SORBS2: variants seen among roughly 807,000 people sequenced by gnomAD.
SORBS2 encodes the protein sorbin and SH3 domain-containing protein 2.
In SORBS2, 46 loss-of-function variants were observed where a neutral mutation model predicts 97.7. The observed-to-expected ratio is 0.47, with a 90% confidence interval of 0.37 to 0.60. The LOEUF (loss-of-function observed/expected upper bound fraction) is 0.60. SORBS2 is among the 20% of genes least tolerant of loss of function. The probability of loss-of-function intolerance (pLI) is 0.00; values close to 1 mark genes in which losing one functional copy is unlikely to be tolerated. For synonymous variants in SORBS2, 476 were observed against 473.4 expected, an observed-to-expected ratio of 1.01 and a Z score of -0.07; for missense variants, 1,316 against 1,282.3, an observed-to-expected ratio of 1.03 and a Z score of -0.40.
At position 185,613,568 on chromosome 4, in the gene SORBS2, A is replaced by T. The variant is rs111988387; in HGVS notation, c.2595+1263T>A. Among the ~76,000 whole-genome samples, 639 of 149,906 alleles carry T rather than the reference A, an allele frequency of 4.3e-3. 4 individuals carry two copies. Among genetic ancestry groups the T allele is most frequent in the African/African-American group, 0.015 (610 of 40,422 alleles). Reference sequence around the variant, plus strand: ...GAGGCTGAGGTGGGAGAATCGCTTGAACCTGGGAGGCAGAGGTTGCAGTGA... The same window carrying T: ...GAGGCTGAGGTGGGAGAATCGCTTGTACCTGGGAGGCAGAGGTTGCAGTGA... On this transcript the variant is annotated intron_variant, in intron 11 of 14. Coordinates refer to ENST00000418609, the Ensembl canonical transcript of SORBS2.
intron 2 of SORBS2, chr4:185,771,703 A>C (rs2098972559): frequency 6.6e-6 from 1 of 152,228 alleles, no homozygotes; most frequent in Admixed American, 6.5e-5. Context: ...TGGCAATTTA[A>C]TTTTATAATA....
chr4:185,754,387 AC>A lies in SORBS2; in HGVS notation c.-198+20839del, dbSNP rs544820593. Among the ~76,000 whole-genome samples the A allele has an allele frequency of 4.7e-3, 715 of 151,992 alleles. 4 individuals carry two copies. The highest frequency in any genetic ancestry group is 0.016 in the African/African-American group (662 of 41,468). On this transcript the variant is annotated intron_variant, in intron 2 of 20. Transcript: ENST00000284776. ...GGGTCATGAAATAATCTGCACACAA[AC>A]CCCCCATAACACACAGTAACCCCCG...
intron 7 of SORBS2, among the ~76,000 whole-genome samples, chr4:185,621,055 A>T (rs1256986968): frequency 6.6e-6 from 1 of 152,204 alleles, no homozygotes; most frequent in Admixed American, 6.5e-5. Context: ...ATGTTATAGA[A>T]TTTTATCAGT....
chr4:185,832,856 A>G (rs2099205846), intron 1 of SORBS2, among the ~76,000 whole-genome samples: 1 of 152,208 alleles, frequency 6.6e-6, no homozygotes, highest in Admixed American at 6.5e-5. Flanking sequence ...TAGGTTGGAG[A>G]CCGTTTCTGA....
chr4:185,776,474 C>T lies in SORBS2; in HGVS notation c.-337-1108G>A, dbSNP rs981833109. On this transcript the variant is annotated intron_variant, in intron 1 of 20. Transcript: ENST00000284776. The stretch of plus-strand genomic sequence containing the variant: ...GGAAGCAGTTAAGTATGTTTATGAA[C>T]GCTTTCATTCCAATAGATGAAATCC... 3.9e-5 allele frequency among the ~76,000 whole-genome samples: 6 copies of T among 152,200 alleles called. 1 individual carries two copies. The South Asian group carries it at 6.2e-4, about 16-fold the overall frequency.
At chr4:185,831,470 A>G (rs1314162345) in intron 1 of SORBS2, among the ~76,000 whole-genome samples, 1 of 152,184 alleles carries the variant, frequency 6.6e-6, no homozygotes. Flanking sequence ...TGAATCCTTT[A>G]TTTGTTTCCT....
At chr4:185,841,920 C>A (rs757341620) in intron 1 of SORBS2, among the ~76,000 whole-genome samples, 4 of 152,136 alleles carry the variant, frequency 2.6e-5, no homozygotes, top group Non-Finnish European at 5.9e-5. Flanking sequence ...CTTAGGTGAC[C>A]AGGTGGACGG....
intron 2 of SORBS2, among the ~76,000 whole-genome samples, chr4:185,714,632 A>G (rs543418140): frequency 2.0e-5 from 3 of 152,208 alleles, no homozygotes; most frequent in African/African-American, 7.2e-5. Flanking sequence ...ACAGCTCCAC[A>G]TGGCTGGGGA....
chr4:185,872,607 G>T (rs2099231025), intron 1 of SORBS2, among the ~76,000 whole-genome samples: 2 of 152,114 alleles, frequency 1.3e-5, no homozygotes, highest in South Asian at 4.1e-4. Context: ...ACCAAAAAAG[G>T]CCACAAGAAA....
At chr4:185,746,240 C>T (rs1047044250) in intron 2 of SORBS2, among the ~76,000 whole-genome samples, 1 of 152,190 alleles carries the variant, frequency 6.6e-6, no homozygotes, top group African/African-American at 2.4e-5. Flanking sequence ...GGCATGGTTT[C>T]AGGGGTGTTT....
intron 4 of SORBS2, among the ~76,000 whole-genome samples, chr4:185,662,809 A>G (rs999434625): frequency 3.0e-4 from 46 of 152,244 alleles, no homozygotes; most frequent in Admixed American, 2.9e-3. Context: ...GTAAAGGATC[A>G]GAGAGACATG....
chr4:185,854,437 C>T (rs909560164), intron 1 of SORBS2, among the ~76,000 whole-genome samples: 1 of 152,106 alleles, frequency 6.6e-6, no homozygotes, highest in African/African-American at 2.4e-5. Flanking sequence ...AGCTCACTGT[C>T]TCAGGGAACG....
In SORBS2 at chr4:185,938,389, T is replaced by TACACACACACACACACAC. The variant is rs34337257; in HGVS notation, c.-338+17789_-338+17806dup. Among the ~76,000 whole-genome samples, 18 of 136,524 alleles carry TACACACACACACACACAC rather than the reference T, an allele frequency of 1.3e-4. No individual in the cohort carries two copies. The South Asian group carries it at 2.3e-3, about 18-fold the overall frequency. The allele number at this position is 136,524 out of a possible 152,430, so 89.6% of individuals were successfully genotyped here. A position where few individuals can be genotyped will look rare whatever the true frequency, so the allele number is the denominator to read the frequency against. ...TCTCACCCAGAAAAATGTAGACACA[T>TACACACACACACACACAC]ACACACACACACACACACACACACA... is the stretch of plus-strand genomic sequence containing the variant. On this transcript the variant is annotated intron_variant, in intron 1 of 20. Transcript: ENST00000284776.
At chr4:185,878,666 C>T (rs1021285424) in intron 1 of SORBS2, among the ~76,000 whole-genome samples, 1 of 152,168 alleles carries the variant, frequency 6.6e-6, no homozygotes, top group Non-Finnish European at 1.5e-5. Context: ...GACTGGGACC[C>T]GCTGACACTC....
At chr4:185,793,132 G>A (rs183936187) in intron 1 of SORBS2, among the ~76,000 whole-genome samples, 1 of 152,322 alleles carries the variant, frequency 6.6e-6, no homozygotes, top group African/African-American at 2.4e-5. Flanking sequence ...AGATCGCAAA[G>A]CTCCAATACC....
At chr4:185,843,490 C>T (rs975128578) in intron 1 of SORBS2, among the ~76,000 whole-genome samples, 6 of 152,000 alleles carry the variant, frequency 3.9e-5, no homozygotes, top group Admixed American at 1.3e-4. Context: ...AATAAAGGAG[C>T]TTAACAAGAT....
chr4:185,821,126 G>C (rs970740615), intron 1 of SORBS2, among the ~76,000 whole-genome samples: 1 of 152,184 alleles, frequency 6.6e-6, no homozygotes, highest in Non-Finnish European at 1.5e-5. Context: ...ACGCCCGGGG[G>C]GCAAGGGGAG....
intron 1 of SORBS2, among the ~76,000 whole-genome samples, chr4:185,868,147 C>CTTTCTTTTT (rs1288748201): frequency 1.1e-5 from 1 of 89,766 alleles, no homozygotes; most frequent in Non-Finnish European, 2.2e-5. Context: ...CTTTTCTTTT[C>CTTTCTTTTT]TTTTTTTCTT....
Position 185,595,851 on chromosome 4 carries a change from A to T in SORBS2, c.2797-1916T>A, listed in dbSNP as rs540451852. Among the ~76,000 whole-genome samples, 5 of 152,158 alleles carry T rather than the reference A, an allele frequency of 3.3e-5. No homozygotes were observed. In the South Asian group the frequency reaches 1.0e-3, roughly 32 times the overall value. On this transcript the variant is annotated intron_variant, in intron 12 of 14. Transcript: ENST00000418609. ...TTTCTTCTTTTGAACTATTCTTTAG[A>T]ATATATTCCCAGGAGTAAAACTTCT... is the stretch of plus-strand genomic sequence containing the variant.
Sources: gnomAD v4.1 joint callset for allele counts (sites outside exome capture counted in the v4.1 genomes callset) on GRCh38, gnomAD v4.1.1 for gene constraint, MANE v1.5 for transcripts, NCBI Gene and HGNC (gene_info 2026-07-23, HGNC 2026-07-21) for gene names.